Variants in TUT4 observed in about 807,000 individuals in gnomAD.
The protein encoded by TUT4 is terminal uridylyltransferase 4.
In TUT4, 36 loss-of-function variants were observed where a neutral mutation model predicts 192.2. The observed-to-expected ratio is 0.19, with a 90% CI of 0.14 to 0.25. The LOEUF (loss-of-function observed/expected upper bound fraction) is 0.25. TUT4 is among the 10% of genes least tolerant of loss of function. The pLI is 1.00. For missense variants in TUT4, 1,493 were observed against 1,957.2 expected, an observed-to-expected ratio of 0.76 and a Z score of 4.47; for synonymous variants, 618 against 666.0, an observed-to-expected ratio of 0.93 and a Z score of 1.11.
chr1:52,537,017 G>A (rs1287977876), intron 1 of TUT4, among the ~76,000 whole-genome samples: 2 of 151,600 alleles, frequency 1.3e-5, no homozygotes, highest in African/African-American at 4.9e-5. Flanking sequence ...AAAATTAGCC[G>A]GGCATGGTGG....
intron 7 of TUT4, among the ~76,000 whole-genome samples, chr1:52,492,049 G>A (rs987897788): frequency 1.3e-5 from 2 of 152,074 alleles, no homozygotes; most frequent in Non-Finnish European, 1.5e-5. Flanking sequence ...GGATGGAAAA[G>A]GCATATATTA....
intron 4 of TUT4, among the ~76,000 whole-genome samples, chr1:52,508,041 G>A (rs1455442869): frequency 6.6e-6 from 1 of 152,022 alleles, no homozygotes; most frequent in Admixed American, 6.6e-5. Context: ...TCAAACTCCT[G>A]GGCTCAAGCA....
chr1:52,460,181 T>C (rs1570538545), intron 19 of TUT4, among the ~76,000 whole-genome samples: 1 of 152,050 alleles, frequency 6.6e-6, no homozygotes, highest in Non-Finnish European at 1.5e-5. Context: ...TAGAAAGACA[T>C]GTACAGGAAT....
At chr1:52,457,672 T>A (rs1661366956) in intron 20 of TUT4, among the ~76,000 whole-genome samples, 1 of 152,230 alleles carries the variant, frequency 6.6e-6, no homozygotes, top group Non-Finnish European at 1.5e-5. Flanking sequence ...GGATCCTCCC[T>A]AACGCCTACA....
intron 28 of TUT4, 49 bp downstream of exon 28, chr1:52,430,964 C>G (rs568419411): frequency 1.3e-6 from 2 of 1,510,196 alleles, no homozygotes; most frequent in Admixed American, 2.1e-5. Flanking sequence ...CAGACAGATA[C>G]AAAAGAAGAA....
At chr1:52,433,324 G>C (rs1652698221) in intron 27 of TUT4, 1 of 152,184 alleles carries the variant, frequency 6.6e-6, no homozygotes, top group South Asian at 2.1e-4. Context: ...ACCCACCTCA[G>C]CCTCCTAAAG....
In TUT4 at chr1:52,423,685, G is replaced by T. The variant is rs1033441037; in HGVS notation, c.*250C>A. 2.8e-6 allele frequency: 2 copies of T among 711,066 alleles called. No individual in the cohort carries two copies. The highest frequency in any genetic ancestry group is 3.6e-5 in the African/African-American group (2 of 55,384). 44.0% of individuals were successfully genotyped at this position (711,066 alleles called of 1,614,324 possible). On this transcript the variant is annotated 3_prime_UTR_variant, in exon 30 of 30. Transcript: ENST00000257177. ...AGATGAAATTTGTATCACTCAATTTGGTGATACTAGTAAAAACTATAGTTC... is the reference window on the plus strand; with the variant it reads ...AGATGAAATTTGTATCACTCAATTTTGTGATACTAGTAAAAACTATAGTTC...
chr1:52,477,568 A>G, intron 12 of TUT4, 140 bp downstream of exon 12: 1 of 872,314 alleles, frequency 1.1e-6, no homozygotes, highest in Non-Finnish European at 1.6e-6. Context: ...CCCTGTCTCT[A>G]AAAAAATTAA....
rs750901130 is a variant in TUT4, at chr1:52,436,838, C to T, written c.4079G>A (p.Cys1360Tyr). Residue 1360 changes from cysteine (C) to tyrosine (Y), a missense_variant, in exon 26 of 30, where the codon TGT (cysteine) becomes TAT (tyrosine). Physicochemically the swap from Cys to Tyr is radical, Grantham distance 194. Around this residue, in one of 7 missense-constraint regions of TUT4, gnomAD observed 351 missense variants for 397.8 expected, o/e 0.88. Transcript: ENST00000257177. ...ATGTCCAGCATCTCCACATATAAAA[C>T]ATCTGAGGTCTCTCGGGTCTCTAAA... ...RDFRDPRDLR[C>Y]FICGDAGHVR... The T allele has an allele frequency of 6.2e-7, 1 of 1,613,980 alleles. No individual in the cohort carries two copies. Among genetic ancestry groups the T allele is most frequent in the Non-Finnish European group, 8.5e-7 (1 of 1,180,016 alleles).
In TUT4 at chr1:52,526,317, T is replaced by C. The variant is rs76653434; in HGVS notation, c.-37A>G. 2.5e-4 allele frequency: 363 copies of C among 1,438,894 alleles called. 1 individual carries two copies. The African/African-American group carries it at 4.9e-3, about 20-fold the overall frequency. The allele number at this position is 1,438,894 out of a possible 1,614,324, so 89.1% of individuals were successfully genotyped here. A position where few individuals can be genotyped will look rare whatever the true frequency, so the allele number is the denominator to read the frequency against. On this transcript the variant is annotated 5_prime_UTR_variant, in exon 2 of 30. Coordinates refer to ENST00000257177, the MANE Select transcript of TUT4 (RefSeq NM_001009881.3). The stretch of plus-strand genomic sequence containing the variant: ...CTGTTTCTTTCCAATTGTGATATTA[T>C]AAAATGGCAGATCTCCAGTAGTTTA...
chr1:52,529,232 C>G (rs1450803021), intron 1 of TUT4, among the ~76,000 whole-genome samples: 16 of 151,880 alleles, frequency 1.1e-4, no homozygotes. Flanking sequence ...TACATTTTCA[C>G]CATTAATATT....
At chr1:52,445,228 A>G (rs1450963428) in intron 24 of TUT4, among the ~76,000 whole-genome samples, 1 of 152,052 alleles carries the variant, frequency 6.6e-6, no homozygotes, top group East Asian at 1.9e-4. Context: ...TGAGGCCAAG[A>G]GGAATGTGTG....
chr1:52,467,169 T>C (rs1289773621), intron 15 of TUT4, among the ~76,000 whole-genome samples: 3 of 152,176 alleles, frequency 2.0e-5, no homozygotes, highest in African/African-American at 7.2e-5. Context: ...GATGATATGA[T>C]TTTTTAATTT....
Position 52,446,420 on chromosome 1 carries a change from C to A in TUT4, c.3536G>T (p.Gly1179Val). The A allele has an allele frequency of 6.3e-7, 1 of 1,599,182 alleles. No homozygotes were observed. The highest frequency in any genetic ancestry group is 1.1e-5 in the South Asian group (1 of 87,174). Residue 1179 changes from glycine to valine, a missense_variant, in exon 22 of 30, where the codon GGA becomes GTA. This residue lies in a region of TUT4 where 141 missense variants were observed against 382.7 expected (regional missense o/e 0.37). Transcript: ENST00000257177. ...EELKKRLPSL[G>V]KNTESLGELW... Reference sequence around the variant, plus strand: ...CTCCCCTAATGATTCTGTGTTCTTTCCAAGTGAAGGTAAACGCTTTTTCTA... The same window carrying A: ...CTCCCCTAATGATTCTGTGTTCTTTACAAGTGAAGGTAAACGCTTTTTCTA...
At chr1:52,496,739 G>A (rs1311935038) in intron 5 of TUT4, among the ~76,000 whole-genome samples, 1 of 152,048 alleles carries the variant, frequency 6.6e-6, no homozygotes, top group Non-Finnish European at 1.5e-5. Flanking sequence ...CAGTGATATT[G>A]AAAAACTAAA....
rs1405450749 is a variant in TUT4, at chr1:52,475,092, C to T, written c.2467G>A (p.Glu823Lys). ...DKKQDDLAPS[E>K]TCLKKELSQC... ...CTGAGCTCTTTTTTTAAACAAGTTT[C>T]TGAAGGCGCTAAATCATCTTGTTTC... The change falls in exon 13 of 30, where the codon GAA becomes AAA. Residue 823 changes from glutamate to lysine, a missense_variant. By Grantham distance (56) the Glu-to-Lys change is moderately conservative. This residue lies in a region of TUT4 where 245 missense variants were observed against 218.4 expected (regional missense o/e 1.12). Transcript: ENST00000257177. 6.2e-7 allele frequency: 1 copy of T among 1,614,144 alleles called. No homozygotes were observed. The highest frequency in any genetic ancestry group is 2.2e-5 in the East Asian group (1 of 44,884).
intron 28 of TUT4, among the ~76,000 whole-genome samples, chr1:52,429,958 CTA>C (rs1364833575): frequency 2.7e-5 from 4 of 149,976 alleles, no homozygotes; most frequent in African/African-American, 4.9e-5. Context: ...GTGTGTGTGT[CTA>C]TGTATTTTAA....
intron 11 of TUT4, among the ~76,000 whole-genome samples, chr1:52,478,626 A>G (rs1667697333): frequency 6.6e-6 from 1 of 152,208 alleles, no homozygotes; most frequent in South Asian, 2.1e-4. Flanking sequence ...GTCCTACTTC[A>G]TAGACTATTA....
intron 1 of TUT4, among the ~76,000 whole-genome samples, chr1:52,536,428 T>C (rs982468910): frequency 6.6e-6 from 1 of 151,724 alleles, no homozygotes; most frequent in African/African-American, 2.4e-5. Context: ...ATCAACTAAA[T>C]ACATAAAAAG....
Sources: allele counts gnomAD v4.1 joint callset (sites outside exome capture counted in the v4.1 genomes callset), GRCh38; gene constraint gnomAD v4.1.1; regional missense constraint gnomAD v4.1.1; transcripts MANE v1.5; gene names NCBI Gene and HGNC (gene_info 2026-07-23, HGNC 2026-07-21).